NSUN5: variants seen among roughly 807,000 people sequenced by gnomAD.
The protein encoded by NSUN5 is NOP2/Sun RNA methyltransferase 5.
NSUN5 carries 39 observed loss-of-function variants against 51.1 expected under a neutral mutation model. The ratio of observed to expected loss-of-function variants is 0.76; its 90% CI spans 0.59 to 1.00. NSUN5 has a LOEUF of 1.00. Among genes scored for constraint, NSUN5 ranks in the 50% least tolerant of loss-of-function variants. The pLI, the probability that NSUN5 is intolerant of heterozygous loss-of-function variation, is 0.00. For synonymous variants in NSUN5, 266 were observed against 271.5 expected, an observed-to-expected ratio of 0.98 and a Z score of 0.20; for missense variants, 526 against 614.0, an observed-to-expected ratio of 0.86 and a Z score of 1.51.
rs1804139111 is a variant in NSUN5, at chr7:73,308,479, G to A, written c.168C>T (p.Ser56=). 1.9e-6 allele frequency: 3 copies of A among 1,607,998 alleles called. No homozygotes were observed. The highest frequency in any genetic ancestry group is 1.3e-5 in the African/African-American group (1 of 74,828). The change falls in exon 2 of 10, where the codon AGC becomes AGT. Residue 56 remains serine (S), a synonymous_variant. Transcript: ENST00000438747. ...YSAVLDAVIA[S]AGLLRAEKKL... Reference sequence around the variant, plus strand: ...TCTTCTCCGCACGGAGGAGGCCGGCGCTGGCGATCACAGCATCCAGCACGG... The same window carrying A: ...TCTTCTCCGCACGGAGGAGGCCGGCACTGGCGATCACAGCATCCAGCACGG...
chr7:73,306,707 T>A (rs2115662561), intron 4 of NSUN5, among the ~76,000 whole-genome samples: 1 of 152,150 alleles, frequency 6.6e-6, no homozygotes, highest in South Asian at 2.1e-4. Flanking sequence ...TGGTGAAACC[T>A]CATCTCTACT....
intron 6 of NSUN5, 93 bp from the exon 7 acceptor site, chr7:73,304,501 A>G (rs1232831973): frequency 1.6e-6 from 2 of 1,262,364 alleles, no homozygotes; most frequent in Non-Finnish European, 2.2e-6. Context: ...AGGACACACA[A>G]TATTGAAACG....
rs1554540913 is a variant in NSUN5, at chr7:73,303,132, A to T, written c.*283T>A. 2.1e-6 allele frequency: 3 copies of T among 1,436,650 alleles called. No individual in the cohort carries two copies. Among genetic ancestry groups the T allele is most frequent in the African/African-American group, 1.4e-5 (1 of 69,650 alleles). 89.0% of individuals were successfully genotyped at this position (1,436,650 alleles called of 1,614,324 possible). On this transcript the variant is annotated 3_prime_UTR_variant, in exon 10 of 10. Coordinates refer to ENST00000438747, the MANE Select transcript of NSUN5 (RefSeq NM_148956.4). ...GGCTGGGACTTTCCATTACAAATAG[A>T]GACTTCATTCCTGTTGAGTCTAGTT...
rs1803965943 is a variant in NSUN5, at chr7:73,304,789, C to T, written c.713G>A (p.Gly238Asp). 1.2e-6 allele frequency: 2 copies of T among 1,613,790 alleles called. No homozygotes were observed. The highest frequency in any genetic ancestry group is 8.5e-7 in the Non-Finnish European group (1 of 1,179,858). The change falls in exon 6 of 10, where the codon GGC (glycine) becomes GAC (aspartate). Residue 238 changes from glycine (G) to aspartate (D), a missense_variant. Transcript: ENST00000438747. The stretch of plus-strand genomic sequence containing the variant: ...AGCAGCCAAGTGACTGGTCTTATTG[C>T]CTGGGGCGGCACAGGCATCGATGAC... Reference protein sequence around the residue: ...SHVIDACAAPGNKTSHLAALL... With the variant: ...SHVIDACAAPDNKTSHLAALL...
Position 73,304,758 on chromosome 7 carries a change from C to T in NSUN5, c.744G>A (p.Leu248=), listed in dbSNP as rs1344367353. ...GNKTSHLAAL[L]KNQGKIFAFD... Reference sequence around the variant, plus strand: ...CCTGTGGCACTCACCCTTGGTTCTTCAGAAGAGCAGCCAAGTGACTGGTCT... The same window carrying T: ...CCTGTGGCACTCACCCTTGGTTCTTTAGAAGAGCAGCCAAGTGACTGGTCT... The change falls in exon 6 of 10, where the codon CTG becomes CTA. Residue 248 remains leucine, a synonymous_variant. Transcript: ENST00000438747. 1.9e-6 allele frequency: 3 copies of T among 1,612,008 alleles called. No individual in the cohort carries two copies. The highest frequency in any genetic ancestry group is 3.3e-5 in the Admixed American group (2 of 59,992).
Position 73,307,565 on chromosome 7 carries a change from C to CA in NSUN5, c.391+17dup. On this transcript the variant is annotated intron_variant, in intron 3 of 9. Coordinates refer to ENST00000438747, the MANE Select transcript of NSUN5 (RefSeq NM_148956.4). Reference sequence around the variant, plus strand: ...AAAGTTCCCCGCCTCCCCCACCCCCCAACTCCTTCCAGCTTACCTGGACCA... The same window carrying CA: ...AAAGTTCCCCGCCTCCCCCACCCCCCAAACTCCTTCCAGCTTACCTGGACCA... The CA allele has an allele frequency of 6.2e-7, 1 of 1,605,582 alleles. No individual in the cohort carries two copies. Among genetic ancestry groups the CA allele is most frequent in the Non-Finnish European group, 8.5e-7 (1 of 1,175,162 alleles).
rs782702487 is a variant in NSUN5 at position 73,308,741 on chromosome 7, C to T, written c.50G>A (p.Arg17His). ...CACCAACCCCTTGATAGAGCCCTGGCGGCTCTCCACGCCGGCCAACACGCC... is the reference window on the plus strand; with the variant it reads ...CACCAACCCCTTGATAGAGCCCTGGTGGCTCTCCACGCCGGCCAACACGCC... ...AAGVLAGVESRQGSIKGLVYS... is the reference protein window; with the variant it reads ...AAGVLAGVESHQGSIKGLVYS... The change falls in exon 1 of 10, where the codon CGC becomes CAC. Residue 17 changes from arginine to histidine, a missense_variant. Physicochemically the swap from Arg to His is conservative, Grantham distance 29. Transcript: ENST00000438747. 2 of 1,612,616 alleles carry T rather than the reference C, an allele frequency of 1.2e-6. No individual in the cohort carries two copies. The highest frequency in any genetic ancestry group is 2.2e-5 in the South Asian group (2 of 91,018).
rs782584453 is a variant in NSUN5, at chr7:73,304,419, G to A, written c.756-11C>T. The A allele has an allele frequency of 1.2e-6, 2 of 1,604,636 alleles. No individual in the cohort carries two copies. The highest frequency in any genetic ancestry group is 2.2e-5 in the East Asian group (1 of 44,858). The stretch of plus-strand genomic sequence containing the variant: ...AAGGCAAAGATCTTCCTAGGGCAAA[G>A]CAGGGGTGAGCTGAGCACGCATGGA... On this transcript the variant is annotated splice_polypyrimidine_tract_variant and intron_variant, in intron 6 of 9. Transcript: ENST00000438747.
In NSUN5 at chr7:73,304,300, C is replaced by G; in HGVS notation, c.864G>C (p.Ala288=). ...CCELAEEDFL[A]VSPSDPRYHE... Reference sequence around the variant, plus strand: ...GGTAGCGTGGATCCGAGGGGGAGACCGCCAGGAAGTCCTCCTCAGCCAGTT... The same window carrying G: ...GGTAGCGTGGATCCGAGGGGGAGACGGCCAGGAAGTCCTCCTCAGCCAGTT... The change falls in exon 7 of 10, where the codon GCG becomes GCC. Residue 288 remains alanine, a synonymous_variant. Transcript: ENST00000438747. 4 of 1,614,146 alleles carry G rather than the reference C, an allele frequency of 2.5e-6. No individual in the cohort carries two copies. The South Asian group carries it at 3.3e-5, about 13-fold the overall frequency.
chr7:73,308,296 C>A, intron 2 of NSUN5, 135 bp downstream of exon 2: 1 of 1,117,332 alleles, frequency 8.9e-7, no homozygotes, highest in East Asian at 2.5e-5. Flanking sequence ...AATTCGTAAC[C>A]CAGGGAAGGT....
In NSUN5 at chr7:73,303,584, G is replaced by T; in HGVS notation, c.1286+16C>A. ...GTGCCATCCTGCGCCTCCCAAGCAC[G>T]CCCCCACTCACTCACCTTGGCACCT... On this transcript the variant is annotated intron_variant, in intron 9 of 9. Transcript: ENST00000438747. The T allele has an allele frequency of 6.2e-7, 1 of 1,614,128 alleles. No individual in the cohort carries two copies. Among genetic ancestry groups the T allele is most frequent in the Non-Finnish European group, 8.5e-7 (1 of 1,180,012 alleles).
intron 4 of NSUN5, among the ~76,000 whole-genome samples, chr7:73,307,189 C>T (rs562051272): frequency 1.2e-3 from 181 of 152,176 alleles, no homozygotes; most frequent in Non-Finnish European, 2.3e-3. Flanking sequence ...AGAGAAAAAA[C>T]GGAGAGATCA....
chr7:73,304,172 C>T lies in NSUN5; in HGVS notation c.934+58G>A, dbSNP rs1283570401. ...GAAGTAAGACCAAAACAAATGACTC[C>T]AGGTCTAAGCTGCTGTGGATCTGCG... On this transcript the variant is annotated intron_variant, in intron 7 of 9. Transcript: ENST00000438747. The T allele has an allele frequency of 1.5e-5, 24 of 1,562,360 alleles. No individual in the cohort carries two copies. In the African/African-American group the frequency reaches 2.6e-4, roughly 17 times the overall value.
At position 73,303,390 on chromosome 7, in the gene NSUN5, G is replaced by A. The variant is rs782391630; in HGVS notation, c.*25C>T. The A allele has an allele frequency of 2.5e-6, 4 of 1,614,058 alleles. No individual in the cohort carries two copies. The South Asian group carries it at 3.3e-5, about 13-fold the overall frequency. On this transcript the variant is annotated 3_prime_UTR_variant, in exon 10 of 10. Coordinates refer to ENST00000438747, the MANE Select transcript of NSUN5 (RefSeq NM_148956.4). ...GGACAGGCATCTTCCTTTCCCACCA[G>A]GAAGGAGTCAGCCCGGAGCCTCTGC...
At chr7:73,305,858 C>T (rs535796743) in intron 4 of NSUN5, among the ~76,000 whole-genome samples, 60 of 152,208 alleles carry the variant, frequency 3.9e-4, no homozygotes, top group Non-Finnish European at 6.6e-4. Context: ...ACCCTGGTGT[C>T]CAAGCAACAT....
At chr7:73,304,893 C>G in intron 5 of NSUN5, 31 bp from the exon 6 acceptor site, 1 of 1,613,632 alleles carries the variant, frequency 6.2e-7, no homozygotes, top group Non-Finnish European at 8.5e-7. Flanking sequence ...GCCAGGTAAA[C>G]AGAGACCCCA....
rs782134220 is a variant in NSUN5, at chr7:73,303,988, G to T, written c.983C>A (p.Pro328Gln). ...LEEPGAGTPS[P>Q]VRLHALAGFQ... The stretch of plus-strand genomic sequence containing the variant: ...CCCTGCCAGGGCATGCAGACGCACC[G>T]GGCTAGGTGTGCCTGCCCCGGGCTC... The change falls in exon 8 of 10, where the codon CCG becomes CAG. Residue 328 changes from proline (P) to glutamine (Q), a missense_variant. By Grantham distance (76) the Pro-to-Gln change is moderately conservative (BLOSUM62 -1). Transcript: ENST00000438747. 2.5e-6 allele frequency: 4 copies of T among 1,614,032 alleles called. No individual in the cohort carries two copies. Among genetic ancestry groups the T allele is most frequent in the Middle Eastern group, 1.6e-4 (1 of 6,084 alleles).
Position 73,307,687 on chromosome 7 carries a change from C to A in NSUN5, c.287G>T (p.Gly96Val), listed in dbSNP as rs2115673674. The change falls in exon 3 of 10, where the codon GGC (glycine) becomes GTC (valine). Residue 96 changes from glycine (G) to valine (V), a missense_variant. Physicochemically the swap from Gly to Val is moderately radical, Grantham distance 109. Coordinates refer to ENST00000438747, the MANE Select transcript of NSUN5 (RefSeq NM_148956.4). ...GGGGRWKALL[G>V]RHQARLKAEL... ...AGCCTTGAGCCTCGCCTGGTGCCGG[C>A]CCAACAGAGCCTTCCATCGGCCCCC... The A allele has an allele frequency of 6.2e-7, 1 of 1,611,030 alleles. No individual in the cohort carries two copies. Among genetic ancestry groups the A allele is most frequent in the Non-Finnish European group, 8.5e-7 (1 of 1,178,592 alleles).
intron 2 of NSUN5, 122 bp from the exon 3 acceptor site, chr7:73,307,879 C>G: frequency 1.1e-6 from 1 of 882,460 alleles, no homozygotes; most frequent in Non-Finnish European, 1.7e-6. Flanking sequence ...TGACAAGATA[C>G]AGGTGGGATA....
Sources: gnomAD v4.1 joint callset for allele counts (sites outside exome capture counted in the v4.1 genomes callset) on GRCh38, gnomAD v4.1.1 for gene constraint, MANE v1.5 for transcripts, NCBI Gene and HGNC (gene_info 2026-07-23, HGNC 2026-07-21) for gene names.